Variants in TMEM132B observed in about 807,000 individuals in gnomAD.
TMEM132B encodes transmembrane protein 132B.
Under a neutral mutation model 90.8 loss-of-function variants are expected in TMEM132B, and 18 were observed. That is an observed-to-expected ratio of 0.20 (90% CI 0.14 to 0.29). The LOEUF (loss-of-function observed/expected upper bound fraction) is 0.29. TMEM132B is among the 10% of genes least tolerant of loss of function. The probability of loss-of-function intolerance (pLI) is 1.00; values close to 1 mark genes in which losing one functional copy is unlikely to be tolerated. For missense variants in TMEM132B, 1,096 were observed against 1,326.8 expected, an observed-to-expected ratio of 0.83 and a Z score of 2.70; for synonymous variants, 504 against 523.3, an observed-to-expected ratio of 0.96 and a Z score of 0.50.
chr12:125,235,138 TG>T (rs1022064601), intron 1 of TMEM132B, among the ~76,000 whole-genome samples: 6 of 152,282 alleles, frequency 3.9e-5, no homozygotes, highest in Admixed American at 2.6e-4. Flanking sequence ...TGGATGGTGG[TG>T]CCCCTGGGAG....
At chr12:125,456,072 TGGCAGGCCGAATTTG>T (rs545330158) in intron 3 of TMEM132B, among the ~76,000 whole-genome samples, 18 of 152,214 alleles carry the variant, frequency 1.2e-4, no homozygotes, top group Non-Finnish European at 2.4e-4. Context: ...CAAAAACAAG[TGGCAGGCCGAATTTG>T]GCCCATGGGC....
rs1292743162 is a variant in TMEM132B, at chr12:125,349,764, C to A, written c.380C>A (p.Ser127Tyr). 5 of 1,614,214 alleles carry A rather than the reference C, an allele frequency of 3.1e-6. No homozygotes were observed. The highest frequency in any genetic ancestry group is 4.2e-6 in the Non-Finnish European group (5 of 1,180,034). The part of the protein sequence containing the change: ...DKFPFNWKLK[S>Y]HILDSSIYSN... ...TTTCCCTTCAACTGGAAATTGAAATCCCACATCCTTGACAGCTCCATCTAC... is the reference window on the plus strand; with the variant it reads ...TTTCCCTTCAACTGGAAATTGAAATACCACATCCTTGACAGCTCCATCTAC... The change falls in exon 2 of 9, where the codon TCC (serine) becomes TAC (tyrosine). Residue 127 changes from serine (S) to tyrosine (Y), a missense_variant. Physicochemically the swap from Ser to Tyr is moderately radical, Grantham distance 144. Transcript: ENST00000682704. The surrounding 1 kb of genome is among the most constrained non-coding windows in gnomAD (Gnocchi z 4.1).
intron 5 of TMEM132B, among the ~76,000 whole-genome samples, chr12:125,633,627 T>C (rs1254633471): frequency 6.6e-6 from 1 of 152,248 alleles, no homozygotes; most frequent in Non-Finnish European, 1.5e-5. Flanking sequence ...TGTATCTGCT[T>C]TAGGGGGCAC....
intron 4 of TMEM132B, among the ~76,000 whole-genome samples, chr12:125,555,782 C>T (rs994710322): frequency 1.1e-4 from 17 of 151,950 alleles, no homozygotes; most frequent in African/African-American, 3.6e-4. Flanking sequence ...ACTGGGATGT[C>T]GAGTTTGCAT....
At chr12:125,563,521 G>C (rs150878345) in intron 4 of TMEM132B, among the ~76,000 whole-genome samples, 1 of 151,766 alleles carries the variant, frequency 6.6e-6, no homozygotes, top group Non-Finnish European at 1.5e-5. Context: ...AGCTGAGATC[G>C]CACCACTGCA....
chr12:125,392,493 G>A (rs1347607042), intron 2 of TMEM132B, among the ~76,000 whole-genome samples: 7 of 152,244 alleles, frequency 4.6e-5, no homozygotes, highest in African/African-American at 1.2e-4. Flanking sequence ...GTTGGGCTAC[G>A]CAGGTAGAAA....
Position 125,460,522 on chromosome 12 carries a change from AT to A in TMEM132B, c.1106+44846del, listed in dbSNP as rs1011630203. The stretch of plus-strand genomic sequence containing the variant: ...AATAAAAAGTAAAAAATAAAAAAAA[AT>A]CTACCAAGAATACATCTTAATTTTC... On this transcript the variant is annotated intron_variant, in intron 3 of 8. Transcript: ENST00000682704. The surrounding 1 kb of genome is among the most constrained non-coding windows in gnomAD (Gnocchi z 4.4). Among the ~76,000 whole-genome samples, 24 of 152,284 alleles carry A rather than the reference AT, an allele frequency of 1.6e-4. No homozygotes were observed. The highest frequency in any genetic ancestry group is 5.5e-4 in the African/African-American group (23 of 41,564).
chr12:125,632,310 C>T (rs1259214678), intron 5 of TMEM132B, among the ~76,000 whole-genome samples: 6 of 151,940 alleles, frequency 3.9e-5, no homozygotes, highest in Non-Finnish European at 5.9e-5. Flanking sequence ...CACTTTTAAA[C>T]TTTTTGTTGT....
intron 4 of TMEM132B, among the ~76,000 whole-genome samples, chr12:125,530,973 C>G (rs886872970): frequency 2.0e-5 from 3 of 152,110 alleles, no homozygotes; most frequent in Admixed American, 2.0e-4. Context: ...CACTTAGATC[C>G]GGGGCAGCCC....
chr12:125,586,971 C>G (rs933395989), intron 5 of TMEM132B: 1 of 152,084 alleles, frequency 6.6e-6, no homozygotes, highest in East Asian at 1.9e-4. Context: ...TGTCACATCT[C>G]AAATACAAAA....
chr12:125,194,266 G>GT (rs1323538298), intron 1 of TMEM132B, among the ~76,000 whole-genome samples: 4 of 137,424 alleles, frequency 2.9e-5, no homozygotes, highest in Non-Finnish European at 3.3e-5. Context: ...GAATTAACCC[G>GT]TTGGTGGGGG....
At chr12:125,556,029 C>T (rs371761137) in intron 4 of TMEM132B, among the ~76,000 whole-genome samples, 2 of 152,260 alleles carry the variant, frequency 1.3e-5, no homozygotes, top group African/African-American at 2.4e-5. Context: ...AGAGGTCTAA[C>T]ACATATTCTA....
intron 1 of TMEM132B, among the ~76,000 whole-genome samples, chr12:125,316,617 T>TCTTTTTTTTTTTTTTTTTTA (rs1555239076): frequency 6.6e-6 from 1 of 151,870 alleles, no homozygotes; most frequent in Non-Finnish European, 1.5e-5. Flanking sequence ...TAGATGATTT[T>TCTTTTTTTTTTTTTTTTTTA]CAGCTGAGGT....
At chr12:125,599,266 C>T (rs1341664423) in intron 5 of TMEM132B, among the ~76,000 whole-genome samples, 2 of 152,164 alleles carry the variant, frequency 1.3e-5, no homozygotes, top group African/African-American at 2.4e-5. Context: ...GTAAGATGTG[C>T]CTTTGCTCCT....
At chr12:125,210,666 A>G (rs193291454) in intron 1 of TMEM132B, among the ~76,000 whole-genome samples, 2 of 152,236 alleles carry the variant, frequency 1.3e-5, no homozygotes, top group African/African-American at 4.8e-5. Context: ...GATACTAGCT[A>G]TATTTTGAAA....
intron 5 of TMEM132B, among the ~76,000 whole-genome samples, chr12:125,606,022 T>C (rs145222608): frequency 9.9e-4 from 150 of 152,224 alleles, no homozygotes; most frequent in African/African-American, 3.6e-3. Flanking sequence ...AATTTGAACA[T>C]TGAGGGAGAG....
Position 125,198,064 on chromosome 12 carries a change from A to T in TMEM132B, c.67+11198A>T, listed in dbSNP as rs187764840. On this transcript the variant is annotated intron_variant, in intron 1 of 8. Transcript: ENST00000682704. ...TGATTTTATACTCAGTGTGATTCCA[A>T]TCCATAGATCTCTTATAACCTTGTG... is the stretch of plus-strand genomic sequence containing the variant. 1.4e-3 allele frequency among the ~76,000 whole-genome samples: 208 copies of T among 152,316 alleles called. 2 individuals are homozygous for T. Among genetic ancestry groups the T allele is most frequent in the African/African-American group, 4.9e-3 (202 of 41,562 alleles).
At chr12:125,528,440 G>C (rs1296632729) in intron 4 of TMEM132B, among the ~76,000 whole-genome samples, 2 of 152,234 alleles carry the variant, frequency 1.3e-5, no homozygotes, top group Non-Finnish European at 2.9e-5. Flanking sequence ...GAGATCATCA[G>C]ATTCCTTTTT....
chr12:125,600,184 T>C (rs949020210), intron 5 of TMEM132B, among the ~76,000 whole-genome samples: 1 of 152,206 alleles, frequency 6.6e-6, no homozygotes, highest in African/African-American at 2.4e-5. Context: ...CCTTGAAGAA[T>C]TCTCTTCTGT....
Sources: allele counts gnomAD v4.1 joint callset (sites outside exome capture counted in the v4.1 genomes callset), GRCh38; gene constraint gnomAD v4.1.1; non-coding constraint Gnocchi (gnomAD v3.1); transcripts MANE v1.5; gene names NCBI Gene and HGNC (gene_info 2026-07-23, HGNC 2026-07-21).